UBE2E3: variants seen among roughly 807,000 people sequenced by gnomAD.
The protein encoded by UBE2E3 is ubiquitin-conjugating enzyme E2 E3.
In UBE2E3, 5 loss-of-function variants were observed where a neutral mutation model predicts 23.6. The observed-to-expected ratio is 0.21, with a 90% CI of 0.11 to 0.44. UBE2E3 has a LOEUF of 0.44. Among genes scored for constraint, UBE2E3 ranks in the 20% least tolerant of loss-of-function variants. The pLI is 0.99. For synonymous variants in UBE2E3, 78 were observed against 87.5 expected (o/e 0.89, Z 0.60); for missense variants, 81 against 249.8 (o/e 0.32, Z 4.55).
chr2:181,010,998 C>G (rs1012933773), intron 3 of UBE2E3, among the ~76,000 whole-genome samples: 6 of 152,042 alleles, frequency 3.9e-5, no homozygotes, highest in Non-Finnish European at 8.8e-5. Context: ...CATACAACAG[C>G]CAGAGCTTTC....
rs532405391 is a variant in UBE2E3 at position 180,981,881 on chromosome 2, T to C, written c.-25-137T>C. ...ATCACCTCCCTTGTACGTACCCCTG[T>C]TGTACGATGAAATAAGTGTGAACAC... On this transcript the variant is annotated intron_variant, in intron 1 of 5. Transcript: ENST00000410062. 1.7e-4 allele frequency: 114 copies of C among 652,622 alleles called. No homozygotes were observed. The African/African-American group carries it at 1.8e-3, about 10-fold the overall frequency. 40.4% of individuals were successfully genotyped at this position (652,622 alleles called of 1,614,324 possible).
chr2:180,995,657 A>G (rs952604498), intron 3 of UBE2E3, among the ~76,000 whole-genome samples: 2 of 151,362 alleles, frequency 1.3e-5, no homozygotes, highest in African/African-American at 2.4e-5. Context: ...TTTCTGTGGT[A>G]TAGTTTAATA....
At chr2:180,984,519 T>C (rs1028082792) in intron 3 of UBE2E3, among the ~76,000 whole-genome samples, 5 of 152,204 alleles carry the variant, frequency 3.3e-5, no homozygotes, top group African/African-American at 1.2e-4. Flanking sequence ...TAAATAAGCA[T>C]ATAGTTGGTT....
At chr2:181,028,776 C>G (rs1685979108) in intron 3 of UBE2E3, among the ~76,000 whole-genome samples, 1 of 151,912 alleles carries the variant, frequency 6.6e-6, no homozygotes. Flanking sequence ...ATACAGATGC[C>G]TTTTGTACAT....
At chr2:181,023,131 C>A (rs62180132) in intron 3 of UBE2E3, among the ~76,000 whole-genome samples, 1 of 152,110 alleles carries the variant, frequency 6.6e-6, no homozygotes, top group South Asian at 2.1e-4. Flanking sequence ...ACAGTGGGGC[C>A]GCGCCCCAAT....
chr2:181,048,085 TCTA>T (rs1686723842), intron 3 of UBE2E3, among the ~76,000 whole-genome samples: 1 of 152,122 alleles, frequency 6.6e-6, no homozygotes, highest in African/African-American at 2.4e-5. Context: ...CCTTTCAGCT[TCTA>T]CTGATAAACC....
intron 3 of UBE2E3, among the ~76,000 whole-genome samples, chr2:181,011,284 T>G (rs1436206226): frequency 6.6e-6 from 1 of 151,990 alleles, no homozygotes; most frequent in Non-Finnish European, 1.5e-5. Context: ...GGATGCTGCT[T>G]ATCCCATGGC....
Position 181,025,240 on chromosome 2 carries a change from A to G in UBE2E3, c.246-32453A>G, listed in dbSNP as rs936844921. On this transcript the variant is annotated intron_variant, in intron 3 of 5. Transcript: ENST00000410062. ...TATACTTGAATTCCTAATCATATCC[A>G]CTAGCCTACTCTCTTAAATAGACCA... 3.3e-5 allele frequency among the ~76,000 whole-genome samples: 5 copies of G among 152,078 alleles called. No homozygotes were observed. In the South Asian group the frequency reaches 1.0e-3, roughly 32 times the overall value.
At chr2:180,983,645 C>T (rs1372346117) in intron 2 of UBE2E3, among the ~76,000 whole-genome samples, 1 of 152,192 alleles carries the variant, frequency 6.6e-6, no homozygotes, top group East Asian at 1.9e-4. Flanking sequence ...ATTTTTACCT[C>T]AGTAAAAGTC....
intron 3 of UBE2E3, among the ~76,000 whole-genome samples, chr2:181,034,191 G>C (rs1420886029): frequency 6.6e-6 from 1 of 152,102 alleles, no homozygotes; most frequent in Non-Finnish European, 1.5e-5. Flanking sequence ...ATACCCAAAG[G>C]ATTATAAATC....
intron 3 of UBE2E3, chr2:180,989,824 C>CT: frequency 6.7e-7 from 1 of 1,500,164 alleles, no homozygotes; most frequent in Non-Finnish European, 9.0e-7. Context: ...CCAATTAGTA[C>CT]TTTATGCTCT....
At chr2:180,991,485 C>T (rs1684657615) in intron 3 of UBE2E3, among the ~76,000 whole-genome samples, 1 of 152,166 alleles carries the variant, frequency 6.6e-6, no homozygotes, top group Non-Finnish European at 1.5e-5. Flanking sequence ...TAGTCTATAA[C>T]CGATTTTGAT....
At chr2:180,994,546 A>G (rs2105581228) in intron 3 of UBE2E3, among the ~76,000 whole-genome samples, 1 of 152,314 alleles carries the variant, frequency 6.6e-6, no homozygotes, top group South Asian at 2.1e-4. Context: ...TAGCTCCGTA[A>G]TCAGTCATTG....
chr2:180,989,595 A>G (rs1684593242), intron 3 of UBE2E3, among the ~76,000 whole-genome samples: 1 of 152,202 alleles, frequency 6.6e-6, no homozygotes, highest in African/African-American at 2.4e-5. Context: ...GTGTAGCAGA[A>G]ATACTCAGTA....
chr2:180,995,924 G>C (rs1684809829), intron 3 of UBE2E3, among the ~76,000 whole-genome samples: 2 of 152,032 alleles, frequency 1.3e-5, no homozygotes, highest in South Asian at 2.1e-4. Flanking sequence ...TGGTTACCTG[G>C]TCATACATGG....
At chr2:181,015,926 ATGT>A (rs966698665) in intron 3 of UBE2E3, among the ~76,000 whole-genome samples, 17 of 152,020 alleles carry the variant, frequency 1.1e-4, no homozygotes, top group African/African-American at 3.9e-4. Flanking sequence ...TCACCAGCAA[ATGT>A]TGTTTCTGTT....
At chr2:180,998,236 TA>T (rs1684889444) in intron 3 of UBE2E3, among the ~76,000 whole-genome samples, 1 of 152,194 alleles carries the variant, frequency 6.6e-6, no homozygotes, top group African/African-American at 2.4e-5. Context: ...AGGTTCACTT[TA>T]CCCTCATGCT....
At chr2:180,992,486 T>TCA (rs575683419) in intron 3 of UBE2E3, among the ~76,000 whole-genome samples, 47 of 152,340 alleles carry the variant, frequency 3.1e-4, no homozygotes, top group African/African-American at 1.1e-3. Context: ...GATTTATTTC[T>TCA]CACTCATGTG....
chr2:181,021,562 TCCTTCCTTCCTC>T (rs1685682967), intron 3 of UBE2E3, among the ~76,000 whole-genome samples: 11 of 35,364 alleles, frequency 3.1e-4, no homozygotes, highest in Admixed American at 6.7e-4. Context: ...CTCCCTTCCT[TCCTTCCTTCCTC>T]CCTCCCTCCC....
Sources: gnomAD v4.1 joint callset for allele counts (sites outside exome capture counted in the v4.1 genomes callset) on GRCh38, gnomAD v4.1.1 for gene constraint, MANE v1.5 for transcripts, NCBI Gene and HGNC (gene_info 2026-07-23, HGNC 2026-07-21) for gene names.